The following ARB2A variants were observed in gnomAD, a reference collection of about 807,000 sequenced individuals.
The protein encoded by ARB2A is ARB2 cotranscriptional regulator A.
chr5:93,818,157 A>T, the ARB2A span, among the ~76,000 whole-genome samples: 1 of 151,894 alleles, frequency 6.6e-6, no homozygotes, highest in Non-Finnish European at 1.5e-5. Flanking sequence ...CTTCACACCC[A>T]CTAGGATAGC....
chr5:93,985,564 C>G, the ARB2A span, among the ~76,000 whole-genome samples: 1 of 152,174 alleles, frequency 6.6e-6, no homozygotes, highest in African/African-American at 2.4e-5. Context: ...CCTGGGATTG[C>G]AGGCGCGCGC....
At chr5:93,647,567 C>T in the ARB2A span, among the ~76,000 whole-genome samples, 4 of 152,170 alleles carry the variant, frequency 2.6e-5, no homozygotes, top group East Asian at 3.9e-4. Flanking sequence ...GATGAAGTCT[C>T]GCTCTGTCAC....
the ARB2A span, among the ~76,000 whole-genome samples, chr5:93,700,476 T>C: frequency 6.6e-6 from 1 of 152,004 alleles, no homozygotes; most frequent in South Asian, 2.1e-4. Flanking sequence ...ATGATAAAAG[T>C]AGTCAGAATA....
the ARB2A span, among the ~76,000 whole-genome samples, chr5:93,897,438 T>C: frequency 6.6e-6 from 1 of 151,872 alleles, no homozygotes; most frequent in Non-Finnish European, 1.5e-5. Context: ...ATAATTGTAC[T>C]TTTGAGTTTC....
the ARB2A span, among the ~76,000 whole-genome samples, chr5:94,041,308 A>G: frequency 6.6e-6 from 1 of 151,970 alleles, no homozygotes; most frequent in East Asian, 1.9e-4. Context: ...CTGTAAGCCC[A>G]CTTTTCAAGA....
chr5:93,898,764 C>T, the ARB2A span, among the ~76,000 whole-genome samples: 17 of 152,168 alleles, frequency 1.1e-4, no homozygotes, highest in African/African-American at 3.6e-4. Flanking sequence ...ATAATCTGCA[C>T]AGCCGTTAGA....
At chr5:93,923,547 C>T in the ARB2A span, among the ~76,000 whole-genome samples, 6 of 152,056 alleles carry the variant, frequency 3.9e-5, no homozygotes, top group South Asian at 4.1e-4. Flanking sequence ...TATGGCTGGG[C>T]GCAGTGGCTC....
the ARB2A span, among the ~76,000 whole-genome samples, chr5:94,020,087 A>C: frequency 6.6e-6 from 1 of 152,222 alleles, no homozygotes; most frequent in African/African-American, 2.4e-5. Context: ...GTAGCCATAA[A>C]AAAGGATGAG....
chr5:93,621,879 G>A, the ARB2A span, among the ~76,000 whole-genome samples: 1 of 152,190 alleles, frequency 6.6e-6, no homozygotes, highest in Non-Finnish European at 1.5e-5. Flanking sequence ...TTTCAAAGCC[G>A]TGACTACTAA....
the ARB2A span, among the ~76,000 whole-genome samples, chr5:93,984,747 C>T: frequency 6.6e-6 from 1 of 152,110 alleles, no homozygotes; most frequent in Non-Finnish European, 1.5e-5. Context: ...TTATATCCTA[C>T]TTCATTGTAG....
the ARB2A span, among the ~76,000 whole-genome samples, chr5:94,042,314 CT>C: frequency 0.086 from 8,885 of 103,168 alleles, 68 homozygotes; most frequent in Middle Eastern, 0.13. Context: ...AAAAGATCAG[CT>C]TTTTTTTTTT....
At chr5:93,849,491 T>C in the ARB2A span, among the ~76,000 whole-genome samples, 2 of 152,072 alleles carry the variant, frequency 1.3e-5, no homozygotes, top group African/African-American at 4.8e-5. Flanking sequence ...GCAGGATACA[T>C]ATCTTCTACT....
At chr5:93,992,513 T>C in the ARB2A span, among the ~76,000 whole-genome samples, 1 of 152,050 alleles carries the variant, frequency 6.6e-6, no homozygotes, top group Non-Finnish European at 1.5e-5. Flanking sequence ...TACTATATAT[T>C]CAATTAGATT....
the ARB2A span, among the ~76,000 whole-genome samples, chr5:94,076,491 T>C: frequency 6.6e-6 from 1 of 152,208 alleles, no homozygotes; most frequent in Non-Finnish European, 1.5e-5. Context: ...ATATGGTCAC[T>C]GCCCTCCTAT....
chr5:93,935,991 C>A, the ARB2A span, among the ~76,000 whole-genome samples: 3 of 152,068 alleles, frequency 2.0e-5, no homozygotes, highest in African/African-American at 4.8e-5. Context: ...AATAATAATT[C>A]TTTAAATTGA....
At chr5:93,743,973 C>G in the ARB2A span, among the ~76,000 whole-genome samples, 1 of 151,998 alleles carries the variant, frequency 6.6e-6, no homozygotes, top group Non-Finnish European at 1.5e-5. Flanking sequence ...GCTAACAGCC[C>G]ATTTTCATAA....
the ARB2A span, chr5:93,862,457 C>T: frequency 2.6e-5 from 4 of 152,106 alleles, no homozygotes; most frequent in Non-Finnish European, 5.9e-5. Context: ...TTATTCAAGC[C>T]CTGAAAACAT....
chr5:93,926,133 C>CTTT, the ARB2A span, among the ~76,000 whole-genome samples: 1 of 144,482 alleles, frequency 6.9e-6, no homozygotes. Context: ...ATTTCCAATT[C>CTTT]TTTTTTTTTT....
At chr5:94,053,050 G>C in the ARB2A span, 1 of 703,298 alleles carries the variant, frequency 1.4e-6, no homozygotes, top group Non-Finnish European at 2.2e-6. Context: ...TATGAGCACT[G>C]ATAAATAAAT....
Sources: allele counts gnomAD v4.1 joint callset (sites outside exome capture counted in the v4.1 genomes callset), GRCh38; gene constraint gnomAD v4.1.1; transcripts MANE v1.5; gene names NCBI Gene and HGNC (gene_info 2026-07-23, HGNC 2026-07-21).